The following IDUA variants were observed in gnomAD, a reference collection of about 807,000 sequenced individuals.
IDUA encodes alpha-L-iduronidase.
IDUA carries 65 observed loss-of-function variants against 68.9 expected under a neutral mutation model. That is an observed-to-expected ratio of 0.94 (90% CI 0.77 to 1.16). The LOEUF (loss-of-function observed/expected upper bound fraction) is 1.16, where lower values mean the gene tolerates loss of function less well. IDUA is among the 50% of genes most tolerant of loss of function. The pLI, the probability that IDUA is intolerant of heterozygous loss-of-function variation, is 0.00. For missense variants in IDUA, 1,046 were observed against 938.0 expected (o/e 1.12, Z -1.50); for synonymous variants, 529 against 433.6 (o/e 1.22, Z -2.73).
intron 2 of IDUA, chr4:989,517 C>G: frequency 6.4e-7 from 1 of 1,554,508 alleles, no homozygotes; most frequent in Non-Finnish European, 8.7e-7. Context: ...CGGTGCCTGC[C>G]CAGACCAGCG....
Position 1,001,692 on chromosome 4 carries a change from C to A in IDUA, c.603C>A (p.Tyr201Ter). The change falls in exon 6 of 14, where the codon TAC becomes TAA. Residue 201 changes from tyrosine to a stop codon, truncating the protein, a stop_gained. Coordinates refer to ENST00000514224, the MANE Select transcript of IDUA (RefSeq NM_000203.5). LOFTEE classifies it high-confidence loss of function. The part of the protein sequence containing the change: ...VSMTMQGFLN[Y>*]YDACSEGLRA... ...CCCCCGGCCCAGGCTTCCTGAACTACTACGATGCCTGCTCGGAGGGTCTGC... is the reference window on the plus strand; with the variant it reads ...CCCCCGGCCCAGGCTTCCTGAACTAATACGATGCCTGCTCGGAGGGTCTGC... 1 of 1,601,054 alleles carries A rather than the reference C, an allele frequency of 6.2e-7. No homozygotes were observed. Among genetic ancestry groups the A allele is most frequent in the Non-Finnish European group, 8.5e-7 (1 of 1,179,052 alleles).
In IDUA at chr4:1,003,396, C is replaced by T. The variant is rs1255221712; in HGVS notation, c.1576C>T (p.Leu526=). The T allele has an allele frequency of 1.3e-6, 2 of 1,522,760 alleles. No homozygotes were observed. The highest frequency in any genetic ancestry group is 1.8e-6 in the Non-Finnish European group (2 of 1,142,074). The allele number at this position is 1,522,760 out of a possible 1,614,324, so 94.3% of individuals were successfully genotyped here. A position where few individuals can be genotyped will look rare whatever the true frequency, so the allele number is the denominator to read the frequency against. The change falls in exon 11 of 14, where the codon CTG becomes TTG. Residue 526 remains leucine, a synonymous_variant. Coordinates refer to ENST00000514224, the MANE Select transcript of IDUA (RefSeq NM_000203.5). ...CTTACCCGCCGGCGGCCGCCTGACC[C>T]TGCGCCCCGCGCTGCGGCTGCCGTC... ...RPLPAGGRLT[L]RPALRLPSLL...
rs372848776 is a variant in IDUA, at chr4:990,302, C to G, written c.299+2353C>G. On this transcript the variant is annotated intron_variant, in intron 2 of 13. Transcript: ENST00000514224. ...ACGGAGGCCCCCATGGCAAAGCCAT[C>G]GAGCAGTGGCTGTGAGAGGTAGGCG... The G allele has an allele frequency of 2.4e-5, 39 of 1,604,608 alleles. No individual in the cohort carries two copies. The highest frequency in any genetic ancestry group is 3.2e-5 in the Non-Finnish European group (38 of 1,177,122).
chr4:999,218 A>G (rs1002631389), intron 2 of IDUA, among the ~76,000 whole-genome samples: 1 of 148,266 alleles, frequency 6.7e-6, no homozygotes, highest in African/African-American at 2.6e-5. Context: ...AAAAAAAAAA[A>G]GAAAAAAGAA....
chr4:1,002,897 G>A lies in IDUA; in HGVS notation c.1355G>A (p.Arg452His). 1.4e-6 allele frequency: 2 copies of A among 1,416,232 alleles called. No homozygotes were observed. The highest frequency in any genetic ancestry group is 1.8e-6 in the Non-Finnish European group (2 of 1,091,536). 87.7% of individuals were successfully genotyped at this position (1,416,232 alleles called of 1,614,324 possible). A position where few individuals can be genotyped will look rare whatever the true frequency, so the allele number is the denominator to read the frequency against. Reference protein sequence around the residue: ...ASDDTRAHPNRSVAVTLRLRG... With the variant: ...ASDDTRAHPNHSVAVTLRLRG... ...GACGACACCCGCGCCCACCCCAACC[G>A]CAGCGTCGCGGTGACCCTGCGGCTG... Residue 452 changes from arginine (R) to histidine (H), a missense_variant, in exon 9 of 14, where the codon CGC (arginine) becomes CAC (histidine). Coordinates refer to ENST00000514224, the MANE Select transcript of IDUA (RefSeq NM_000203.5).
rs184807155 is a variant in IDUA, at chr4:1,003,338, C to T, written c.1525-7C>T. On this transcript the variant is annotated splice_polypyrimidine_tract_variant and splice_region_variant and intron_variant, in intron 10 of 13. Coordinates refer to ENST00000514224, the MANE Select transcript of IDUA (RefSeq NM_000203.5). ...GGAGAACCCTGAGGACCGGCCACTG[C>T]GCCCAGGACCCGGTGGCCGCGGCGC... The T allele has an allele frequency of 6.9e-7, 1 of 1,449,882 alleles. No homozygotes were observed. Among genetic ancestry groups the T allele is most frequent in the Non-Finnish European group, 9.0e-7 (1 of 1,110,194 alleles). The allele number at this position is 1,449,882 out of a possible 1,614,324, so 89.8% of individuals were successfully genotyped here.
At chr4:1,000,433 G>A (rs1465784098) in intron 2 of IDUA, among the ~76,000 whole-genome samples, 179 bp from the exon 3 acceptor site, 1 of 152,230 alleles carries the variant, frequency 6.6e-6, no homozygotes, top group Non-Finnish European at 1.5e-5. Flanking sequence ...AGATACTCTA[G>A]TTCATACCAG....
Position 1,001,539 on chromosome 4 carries a change from G to T in IDUA, c.565G>T (p.Asp189Tyr). Residue 189 changes from aspartate to tyrosine, a missense_variant, in exon 5 of 14, where the codon GAC becomes TAC. Asp to Tyr is a radical substitution (Grantham distance 160). Transcript: ENST00000514224. ...TWNEPDHHDF[D>Y]NVSMTMQGFL... ...GAATGAGCCAGACCACCACGACTTT[G>T]ACAACGTCTCCATGACCATGCAAGG... The T allele has an allele frequency of 6.2e-7, 1 of 1,613,296 alleles. No individual in the cohort carries two copies. The highest frequency in any genetic ancestry group is 8.5e-7 in the Non-Finnish European group (1 of 1,179,970).
intron 2 of IDUA, chr4:988,885 T>A: frequency 6.2e-7 from 1 of 1,601,984 alleles, no homozygotes; most frequent in Non-Finnish European, 8.5e-7. Context: ...TCGTGCTGTC[T>A]GCACGGCATC....
Position 1,002,474 on chromosome 4 carries a change from T to A in IDUA, c.1178T>A (p.Leu393Gln). 6.5e-7 allele frequency: 1 copy of A among 1,541,978 alleles called. No individual in the cohort carries two copies. Among genetic ancestry groups the A allele is most frequent in the East Asian group, 2.5e-5 (1 of 40,240 alleles). ...RKPVLTAMGL[L>Q]ALLDEEQLWA... ...CCGGTGCTCACGGCCATGGGGCTGC[T>A]GGCGCTGCTGGGTGAGCCGGGGCCG... The change falls in exon 8 of 14, where the codon CTG becomes CAG. Residue 393 changes from leucine (L) to glutamine (Q), a missense_variant. Physicochemically the swap from Leu to Gln is moderately radical, Grantham distance 113. Coordinates refer to ENST00000514224, the MANE Select transcript of IDUA (RefSeq NM_000203.5).
chr4:1,003,767 C>A (rs1031839897), intron 12 of IDUA, 142 bp downstream of exon 12: 10 of 980,462 alleles, frequency 1.0e-5, no homozygotes, highest in Non-Finnish European at 1.6e-5. Context: ...CTGCCCTTCA[C>A]CCCACACACT....
At chr4:995,972 A>T (rs1714723670) in intron 2 of IDUA, among the ~76,000 whole-genome samples, 2 of 152,092 alleles carry the variant, frequency 1.3e-5, no homozygotes, top group Non-Finnish European at 2.9e-5. Flanking sequence ...GCAGGGCTGA[A>T]CGCTCTGGGG....
chr4:990,617 C>G (rs1714213876), intron 2 of IDUA: 1 of 531,104 alleles, frequency 1.9e-6, no homozygotes, highest in Non-Finnish European at 3.3e-6. Context: ...ACGTCTAACC[C>G]TTGTCACGTG....
chr4:1,002,247 C>A (rs943117745), intron 7 of IDUA, 22 bp from the exon 8 acceptor site: 1 of 1,602,216 alleles, frequency 6.2e-7, no homozygotes, highest in African/African-American at 1.3e-5. Context: ...CACCCGGTCC[C>A]AGCTGCCCTG....
chr4:997,929 G>A (rs80199082), intron 2 of IDUA, among the ~76,000 whole-genome samples: 2 of 152,248 alleles, frequency 1.3e-5, no homozygotes, highest in East Asian at 1.9e-4. Context: ...AGGGTCAGGG[G>A]CTGCCGGGCT....
At chr4:1,000,772 T>C in intron 3 of IDUA, 75 bp downstream of exon 3, 2 of 1,429,454 alleles carry the variant, frequency 1.4e-6, no homozygotes, top group Non-Finnish European at 9.8e-7. Context: ...ACCCAGCCCC[T>C]CTGAGTCCTT....
At chr4:994,280 CT>C (rs781736230) in intron 2 of IDUA, among the ~76,000 whole-genome samples, 109 of 144,374 alleles carry the variant, frequency 7.5e-4, no homozygotes, top group South Asian at 1.3e-3. Context: ...CCCACCTTTT[CT>C]TTTTTTTTTT....
At chr4:995,901 G>A (rs568411034) in intron 2 of IDUA, among the ~76,000 whole-genome samples, 1 of 152,012 alleles carries the variant, frequency 6.6e-6, no homozygotes. Context: ...GACATCCTAA[G>A]TGTGAGATGT....
chr4:1,002,572 T>G, intron 8 of IDUA, 87 bp downstream of exon 8: 1 of 1,267,250 alleles, frequency 7.9e-7, no homozygotes, highest in Non-Finnish European at 1.0e-6. Flanking sequence ...GGGAGCGCAC[T>G]TCCTCCAGCC....
Sources: gnomAD v4.1 joint callset for allele counts (sites outside exome capture counted in the v4.1 genomes callset) on GRCh38, gnomAD v4.1.1 for gene constraint, MANE v1.5 for transcripts, NCBI Gene and HGNC (gene_info 2026-07-23, HGNC 2026-07-21) for gene names.